DPYSL3: variants seen among roughly 807,000 people sequenced by gnomAD.
The protein encoded by DPYSL3 is dihydropyrimidinase-related protein 3.
Under a neutral mutation model 66.1 loss-of-function variants are expected in DPYSL3, and 16 were observed. That is an observed-to-expected ratio of 0.24 (90% CI 0.16 to 0.37). DPYSL3 has a LOEUF of 0.37. Among genes scored for constraint, DPYSL3 ranks in the 10% least tolerant of loss-of-function variants. The pLI, the probability that DPYSL3 is intolerant of heterozygous loss-of-function variation, is 1.00. For synonymous variants in DPYSL3, 338 were observed against 345.1 expected, an observed-to-expected ratio of 0.98 and a Z score of 0.23; for missense variants, 738 against 916.2, an observed-to-expected ratio of 0.81 and a Z score of 2.51.
At chr5:147,440,947 A>C (rs1203654345) in intron 1 of DPYSL3, among the ~76,000 whole-genome samples, 1 of 152,134 alleles carries the variant, frequency 6.6e-6, no homozygotes, top group Non-Finnish European at 1.5e-5. Flanking sequence ...TAACTTTCTG[A>C]GCTTCAATTT....
intron 1 of DPYSL3, among the ~76,000 whole-genome samples, chr5:147,443,899 A>G (rs1752580821): frequency 6.6e-6 from 1 of 152,116 alleles, no homozygotes; most frequent in African/African-American, 2.4e-5. Flanking sequence ...GCCAGAAACA[A>G]AGCCGCTCTT....
At chr5:147,433,892 C>T (rs1226344977) in intron 1 of DPYSL3, among the ~76,000 whole-genome samples, 7 of 151,972 alleles carry the variant, frequency 4.6e-5, no homozygotes, top group African/African-American at 1.5e-4. Flanking sequence ...ATTAACTGGG[C>T]GTGGTGGCAT....
intron 1 of DPYSL3, among the ~76,000 whole-genome samples, chr5:147,477,561 C>CTTTTTTTTTTTTTTTT (rs56406515): frequency 1.5e-5 from 1 of 64,760 alleles, no homozygotes; most frequent in African/African-American, 6.1e-5. Flanking sequence ...ACACCTAAAT[C>CTTTTTTTTTTTTTTTT]TTTTTTTTTT....
chr5:147,411,458 ACC>A (rs1751851477), intron 6 of DPYSL3, among the ~76,000 whole-genome samples: 1 of 152,068 alleles, frequency 6.6e-6, no homozygotes, highest in Non-Finnish European at 1.5e-5. Context: ...GAGGTATATC[ACC>A]TTAGGGGCAA....
chr5:147,407,643 G>A, intron 7 of DPYSL3, among the ~76,000 whole-genome samples: 1 of 152,162 alleles, frequency 6.6e-6, no homozygotes, highest in East Asian at 1.9e-4. Flanking sequence ...CAGAGCAGCG[G>A]CAGCGAGAAC....
intron 1 of DPYSL3, among the ~76,000 whole-genome samples, chr5:147,426,540 T>C (rs1176509182): frequency 1.3e-5 from 2 of 152,158 alleles, no homozygotes; most frequent in African/African-American, 2.4e-5. Flanking sequence ...TCCATGGCTA[T>C]TTGACTATGA....
rs1757873884 is a variant in DPYSL3 at position 147,393,443 on chromosome 5, A to G, written c.*592T>C. 6.6e-6 allele frequency: 1 copy of G among 152,514 alleles called. No individual in the cohort carries two copies. The highest frequency in any genetic ancestry group is 1.5e-5 in the Non-Finnish European group (1 of 68,098). 9.4% of individuals were successfully genotyped at this position (152,514 alleles called of 1,614,324 possible). A position where few individuals can be genotyped will look rare whatever the true frequency, so the allele number is the denominator to read the frequency against. On this transcript the variant is annotated 3_prime_UTR_variant, in exon 14 of 14. Coordinates refer to ENST00000343218, the MANE Select transcript of DPYSL3 (RefSeq NM_001197294.2). ...TGTAGGGGACGTGACAAAGAACAGA[A>G]CCCAAAGACTGCCTGCCTTCTCGGC...
chr5:147,437,082 G>A (rs769097315), intron 1 of DPYSL3, among the ~76,000 whole-genome samples: 1 of 152,132 alleles, frequency 6.6e-6, no homozygotes, highest in Admixed American at 6.5e-5. Context: ...AATGGGAGTC[G>A]GGAGCCAAGG....
intron 1 of DPYSL3, among the ~76,000 whole-genome samples, chr5:147,506,800 A>T (rs1380790040): frequency 6.6e-6 from 1 of 152,214 alleles, no homozygotes; most frequent in Middle Eastern, 3.2e-3. Context: ...GCTTACAGTC[A>T]TATAACTAGT....
chr5:147,402,713 C>A (rs916641144), intron 8 of DPYSL3, among the ~76,000 whole-genome samples: 1 of 151,996 alleles, frequency 6.6e-6, no homozygotes, highest in Non-Finnish European at 1.5e-5. Context: ...CACCCAATAA[C>A]CTAGGACACA....
Position 147,415,790 on chromosome 5 carries a change from A to T in DPYSL3, c.739T>A (p.Cys247Ser), listed in dbSNP as rs1036917761. ...WREWADGKSC[C>S]DYALHVDITH... ...ATGTCCACATGCAGGGCATAGTCACAGCAACTCTTCCCATCAGCCCACTCT... is the reference window on the plus strand; with the variant it reads ...ATGTCCACATGCAGGGCATAGTCACTGCAACTCTTCCCATCAGCCCACTCT... Residue 247 changes from cysteine (C) to serine (S), a missense_variant, in exon 4 of 14, where the codon TGT (cysteine) becomes AGT (serine). Coordinates refer to ENST00000343218, the MANE Select transcript of DPYSL3 (RefSeq NM_001197294.2). 1 of 1,613,998 alleles carries T rather than the reference A, an allele frequency of 6.2e-7. No homozygotes were observed. The highest frequency in any genetic ancestry group is 1.3e-5 in the African/African-American group (1 of 74,904).
intron 1 of DPYSL3, among the ~76,000 whole-genome samples, chr5:147,459,903 G>A (rs1257726323): frequency 6.6e-6 from 1 of 152,204 alleles, no homozygotes; most frequent in Non-Finnish European, 1.5e-5. Flanking sequence ...GAGGTCAGCA[G>A]ATCAAGACCA....
intron 6 of DPYSL3, among the ~76,000 whole-genome samples, chr5:147,410,682 A>G (rs1032559468): frequency 2.6e-5 from 4 of 152,212 alleles, no homozygotes; most frequent in African/African-American, 9.6e-5. Flanking sequence ...TGTTTTGCCA[A>G]CTTGAAATTC....
intron 1 of DPYSL3, among the ~76,000 whole-genome samples, chr5:147,487,022 T>G (rs1753344484): frequency 6.6e-6 from 1 of 152,212 alleles, no homozygotes; most frequent in African/African-American, 2.4e-5. Flanking sequence ...CAATGCCACA[T>G]GCTATTAACT....
At chr5:147,419,495 G>A (rs1752039433) in intron 2 of DPYSL3, among the ~76,000 whole-genome samples, 1 of 152,182 alleles carries the variant, frequency 6.6e-6, no homozygotes, top group South Asian at 2.1e-4. Context: ...AGTATTGCTT[G>A]GCTTATACGT....
At chr5:147,426,697 G>C (rs1752204808) in intron 1 of DPYSL3, among the ~76,000 whole-genome samples, 1 of 152,174 alleles carries the variant, frequency 6.6e-6, no homozygotes, top group African/African-American at 2.4e-5. Context: ...ATGGAGGACG[G>C]AGCCCCAAAA....
intron 1 of DPYSL3, among the ~76,000 whole-genome samples, chr5:147,450,246 G>C (rs1035734511): frequency 6.6e-6 from 1 of 152,166 alleles, no homozygotes. Flanking sequence ...TATTGACTGA[G>C]TCAAGGATTC....
At chr5:147,409,462 T>C (rs1269123534) in intron 6 of DPYSL3, among the ~76,000 whole-genome samples, 2 of 152,196 alleles carry the variant, frequency 1.3e-5, no homozygotes, top group East Asian at 3.9e-4. Flanking sequence ...GGATTCAAAA[T>C]TTAACGAAAC....
chr5:147,457,217 CACTT>C (rs1305654056), intron 1 of DPYSL3, among the ~76,000 whole-genome samples: 1 of 152,122 alleles, frequency 6.6e-6, no homozygotes, highest in Admixed American at 6.5e-5. Context: ...CACCACCTGT[CACTT>C]GCTAGCCCCC....
Sources: allele counts gnomAD v4.1 joint callset (sites outside exome capture counted in the v4.1 genomes callset), GRCh38; gene constraint gnomAD v4.1.1; transcripts MANE v1.5; gene names NCBI Gene and HGNC (gene_info 2026-07-23, HGNC 2026-07-21).